The following ADNP2 variants were observed in gnomAD, a reference collection of about 807,000 sequenced individuals.
ADNP2 encodes ADNP homeobox 2.
In ADNP2, 8 loss-of-function variants were observed where a neutral mutation model predicts 16.4. The ratio of observed to expected loss-of-function variants is 0.49; its 90% CI spans 0.29 to 0.88. The LOEUF (loss-of-function observed/expected upper bound fraction) is 0.88. Among genes scored for constraint, ADNP2 ranks in the 40% least tolerant of loss-of-function variants. The pLI, the probability that ADNP2 is intolerant of heterozygous loss-of-function variation, is 0.09. For synonymous variants in ADNP2, 637 were observed against 545.8 expected (o/e 1.17, Z -2.33); for missense variants, 1,397 against 1,395.1 (o/e 1.00, Z -0.02).
At position 80,117,746 on chromosome 18, in the gene ADNP2, T is replaced by TTA. The variant is rs1467342001; in HGVS notation, c.108+99_108+100dup. Reference sequence around the variant, plus strand: ...AGATTCCTCAAAATGGAAATTGCTGTTATACTTCAGATGGCTGTGTGAAAG... The same window carrying TTA: ...AGATTCCTCAAAATGGAAATTGCTGTTATATACTTCAGATGGCTGTGTGAAAG... On this transcript the variant is annotated intron_variant, in intron 2 of 3. Transcript: ENST00000262198. 4.5e-6 allele frequency: 4 copies of TTA among 884,842 alleles called. No individual in the cohort carries two copies. The East Asian group carries it at 1.1e-4, about 24-fold the overall frequency. 54.8% of individuals were successfully genotyped at this position (884,842 alleles called of 1,614,324 possible). A position where few individuals can be genotyped will look rare whatever the true frequency, so the allele number is the denominator to read the frequency against.
intron 2 of ADNP2, among the ~76,000 whole-genome samples, chr18:80,123,480 C>A (rs1212897761): frequency 6.6e-6 from 1 of 151,422 alleles, no homozygotes; most frequent in African/African-American, 2.4e-5. Context: ...AAGCGATTAT[C>A]CTGCCTCAGC....
At chr18:80,111,059 G>A (rs1312049565) in intron 1 of ADNP2, among the ~76,000 whole-genome samples, 2 of 152,104 alleles carry the variant, frequency 1.3e-5, no homozygotes, top group Non-Finnish European at 2.9e-5. Flanking sequence ...ATAGCATATT[G>A]CAAACTTGGT....
intron 1 of ADNP2, among the ~76,000 whole-genome samples, chr18:80,116,856 C>T (rs2052392623): frequency 6.6e-6 from 1 of 152,062 alleles, no homozygotes; most frequent in Non-Finnish European, 1.5e-5. Flanking sequence ...GGCTGGTCTT[C>T]AACTCCTGAG....
chr18:80,115,502 A>G (rs113715413), intron 1 of ADNP2, among the ~76,000 whole-genome samples: 1,978 of 152,292 alleles, frequency 0.013, 37 homozygotes, highest in African/African-American at 0.044. Flanking sequence ...AACTATCTCT[A>G]TTCTTCTATC....
At chr18:80,109,877 A>C (rs1004129065) in intron 1 of ADNP2, 4 of 151,844 alleles carry the variant, frequency 2.6e-5, no homozygotes, top group African/African-American at 9.8e-5. Context: ...ACGGGGATGG[A>C]GAAGAAGAGA....
At chr18:80,115,487 T>A (rs1287957446) in intron 1 of ADNP2, among the ~76,000 whole-genome samples, 2 of 152,246 alleles carry the variant, frequency 1.3e-5, no homozygotes, top group South Asian at 2.1e-4. Flanking sequence ...GGACACACAC[T>A]CTCAAACTAT....
At chr18:80,134,667 C>G (rs983455700) in intron 3 of ADNP2, among the ~76,000 whole-genome samples, 2 of 152,142 alleles carry the variant, frequency 1.3e-5, no homozygotes, top group African/African-American at 4.8e-5. Context: ...GATGTTAGAA[C>G]AGATTGCATC....
At chr18:80,116,440 G>A (rs2052389823) in intron 1 of ADNP2, among the ~76,000 whole-genome samples, 1 of 152,142 alleles carries the variant, frequency 6.6e-6, no homozygotes, top group African/African-American at 2.4e-5. Flanking sequence ...TTGTGGGACA[G>A]CCAGACTGTT....
intron 2 of ADNP2, among the ~76,000 whole-genome samples, chr18:80,129,185 G>A (rs886696017): frequency 2.8e-5 from 4 of 141,142 alleles, no homozygotes; most frequent in Non-Finnish European, 6.1e-5. Flanking sequence ...CTCACTGCAA[G>A]CTCTGCCTCC....
At chr18:80,112,477 A>G (rs1599801241) in intron 1 of ADNP2, among the ~76,000 whole-genome samples, 1 of 152,252 alleles carries the variant, frequency 6.6e-6, no homozygotes, top group East Asian at 1.9e-4. Flanking sequence ...CCTTTTTTTA[A>G]ATGAAAAGGT....
chr18:80,138,918 CTG>C lies in ADNP2; in HGVS notation c.*112_*113del, dbSNP rs998571520. On this transcript the variant is annotated 3_prime_UTR_variant, in exon 4 of 4. Coordinates refer to ENST00000262198, the MANE Select transcript of ADNP2 (RefSeq NM_014913.4). ...GTTGGTGAATCAACCTCAGTGGTCA[CTG>C]TGCTGCTCTGCAGAGTTACTTCAGG... is the stretch of plus-strand genomic sequence containing the variant. 5 of 1,038,532 alleles carry C rather than the reference CTG, an allele frequency of 4.8e-6. No homozygotes were observed. Among genetic ancestry groups the C allele is most frequent in the Non-Finnish European group, 6.7e-6 (5 of 751,212 alleles). The allele number at this position is 1,038,532 out of a possible 1,614,324, so 64.3% of individuals were successfully genotyped here. A position where few individuals can be genotyped will look rare whatever the true frequency, so the allele number is the denominator to read the frequency against.
chr18:80,132,088 G>A (rs1265599372), intron 2 of ADNP2, among the ~76,000 whole-genome samples: 5 of 152,130 alleles, frequency 3.3e-5, no homozygotes, highest in Admixed American at 6.6e-5. Context: ...TAGGCTTTGC[G>A]TACATATAGA....
Position 80,129,321 on chromosome 18 carries a change from T to C in ADNP2, c.109-3782T>C, listed in dbSNP as rs143957956. On this transcript the variant is annotated intron_variant, in intron 2 of 3. Coordinates refer to ENST00000262198, the MANE Select transcript of ADNP2 (RefSeq NM_014913.4). ...GTTTCACCATGTGGCCAGGCTGGTC[T>C]CAAACTCCAGACCTCAGATGATCCA... Among the ~76,000 whole-genome samples, 100 of 152,246 alleles carry C rather than the reference T, an allele frequency of 6.6e-4. 1 individual carries two copies. In the East Asian group the frequency reaches 0.017, roughly 26 times the overall value.
In ADNP2 at chr18:80,136,920, A is replaced by T. The variant is rs1222972207; in HGVS notation, c.1507A>T (p.Thr503Ser). 1.9e-6 allele frequency: 3 copies of T among 1,614,062 alleles called. No individual in the cohort carries two copies. The South Asian group carries it at 3.3e-5, about 18-fold the overall frequency. The change falls in exon 4 of 4, where the codon ACA (threonine) becomes TCA (serine). Residue 503 changes from threonine to serine, a missense_variant. Transcript: ENST00000262198. ...GTCACGGGTTCTTCCCCCAGGCCAGACAGCCCCATTGAGGGTTATCTCTGC... is the reference window on the plus strand; with the variant it reads ...GTCACGGGTTCTTCCCCCAGGCCAGTCAGCCCCATTGAGGGTTATCTCTGC... Reference protein sequence around the residue: ...APSRVLPPGQTAPLRVISAGQ... With the variant: ...APSRVLPPGQSAPLRVISAGQ...
At chr18:80,123,761 G>T (rs552470301) in intron 2 of ADNP2, among the ~76,000 whole-genome samples, 2 of 146,576 alleles carry the variant, frequency 1.4e-5, no homozygotes, top group South Asian at 2.2e-4. Flanking sequence ...ACAGAGTCTC[G>T]CTCTGTCGCC....
rs1408229129 is a variant in ADNP2, at chr18:80,136,137, G to A, written c.724G>A (p.Asp242Asn). ...CATTTTGACATCAGACATACACAGA[G>A]ATTTGGAGAATAAGCTTAGATCTGT... ...YHILTSDIHR[D>N]LENKLRSVIS... Residue 242 changes from aspartate (D) to asparagine (N), a missense_variant, in exon 4 of 4, where the codon GAT becomes AAT. Physicochemically the swap from Asp to Asn is conservative, Grantham distance 23 (BLOSUM62 1). Around this residue, in one of 3 missense-constraint regions of ADNP2, gnomAD observed 777 missense variants for 719.4 expected, o/e 1.08. Coordinates refer to ENST00000262198, the MANE Select transcript of ADNP2 (RefSeq NM_014913.4). 6.2e-7 allele frequency: 1 copy of A among 1,614,236 alleles called. No homozygotes were observed. The highest frequency in any genetic ancestry group is 8.5e-7 in the Non-Finnish European group (1 of 1,180,028).
chr18:80,117,399 G>A (rs1441161138), intron 1 of ADNP2, 131 bp from the exon 2 acceptor site: 3 of 511,256 alleles, frequency 5.9e-6, no homozygotes, highest in East Asian at 3.7e-5. Context: ...GCATATGAAT[G>A]TTCACTCGTT....
chr18:80,115,183 C>T (rs920530490), intron 1 of ADNP2, among the ~76,000 whole-genome samples: 3 of 152,174 alleles, frequency 2.0e-5, no homozygotes, highest in Admixed American at 1.3e-4. Context: ...GTATCTGTTA[C>T]TTGATATATG....
chr18:80,137,217 C>T lies in ADNP2; in HGVS notation c.1804C>T (p.Leu602Phe). Residue 602 changes from leucine (L) to phenylalanine (F), a missense_variant, in exon 4 of 4, where the codon CTC becomes TTC. By Grantham distance (22) the Leu-to-Phe change is conservative. Around this residue, in one of 3 missense-constraint regions of ADNP2, gnomAD observed 9 missense variants for 27.0 expected, o/e 0.33. Coordinates refer to ENST00000262198, the MANE Select transcript of ADNP2 (RefSeq NM_014913.4). This position sits in a 1 kb window ranked among gnomAD's most constrained non-coding sequence, Gnocchi z 4.2. Reference sequence around the variant, plus strand: ...GACATCAGGCTCTATTCTCAGACAGCTCATCCCTACAGGGAAACAAGTGAA... The same window carrying T: ...GACATCAGGCTCTATTCTCAGACAGTTCATCCCTACAGGGAAACAAGTGAA... ...FLTSGSILRQLIPTGKQVNGI... is the reference protein window; with the variant it reads ...FLTSGSILRQFIPTGKQVNGI... 6.2e-7 allele frequency: 1 copy of T among 1,614,248 alleles called. No homozygotes were observed.
Sources: allele counts gnomAD v4.1 joint callset (sites outside exome capture counted in the v4.1 genomes callset), GRCh38; gene constraint gnomAD v4.1.1; regional missense constraint gnomAD v4.1.1; non-coding constraint Gnocchi (gnomAD v3.1); transcripts MANE v1.5; gene names NCBI Gene and HGNC (gene_info 2026-07-23, HGNC 2026-07-21).